Variants in ACTR3C observed in about 807,000 individuals in gnomAD.
ACTR3C encodes the protein actin related protein 3C.
ACTR3C carries 18 observed loss-of-function variants against 26.3 expected under a neutral mutation model. The observed-to-expected ratio is 0.68, with a 90% CI of 0.47 to 1.01. The LOEUF is 1.01. Ranked by LOEUF, ACTR3C falls within the 50% of genes least tolerant of loss-of-function variation. The pLI, the probability that ACTR3C is intolerant of heterozygous loss-of-function variation, is 0.00. For synonymous variants in ACTR3C, 55 were observed against 94.5 expected (o/e 0.58, Z 2.42); for missense variants, 184 against 250.7 (o/e 0.73, Z 1.80).
chr7:150,089,970 C>T, the ACTR3C span, among the ~76,000 whole-genome samples: 13 of 152,148 alleles, frequency 8.5e-5, no homozygotes. Flanking sequence ...CTTCATTCAT[C>T]ACTAATAAAA....
At chr7:150,035,512 TC>T in the ACTR3C span, among the ~76,000 whole-genome samples, 1 of 113,842 alleles carries the variant, frequency 8.8e-6, no homozygotes, top group Admixed American at 8.1e-5. Context: ...TAGCTCTCAG[TC>T]CCCACTCTCG....
the ACTR3C span, among the ~76,000 whole-genome samples, chr7:150,231,577 C>T: frequency 6.7e-6 from 1 of 150,196 alleles, no homozygotes; most frequent in Non-Finnish European, 1.5e-5. Flanking sequence ...GAACTGTGAG[C>T]CAAATAAACC....
the ACTR3C span, among the ~76,000 whole-genome samples, chr7:150,150,106 G>T: frequency 0.057 from 7,099 of 124,850 alleles, no homozygotes; most frequent in East Asian, 0.11. Context: ...GAGGCAGGAA[G>T]AAGAAACAGA....
At chr7:150,245,644 G>A (rs1217736272), downstream of ACTR3C, 1 of 152,096 alleles carries the variant, frequency 6.6e-6, no homozygotes, top group East Asian at 1.9e-4. Flanking sequence ...ATTGGTGAGT[G>A]TGAGCAATTG....
rs572130796 is a variant in ACTR3C, at chr7:150,284,144, G to A, written c.564+609C>T. On this transcript the variant is annotated intron_variant, in intron 6 of 7. Coordinates refer to ENST00000683684, the MANE Select transcript of ACTR3C (RefSeq NM_001164458.2). ...ACCAATGGAATTCACGGAAAGCATGGAGGAGGGCATCACTCTTACTTTCCA... is the reference window on the plus strand; with the variant it reads ...ACCAATGGAATTCACGGAAAGCATGAAGGAGGGCATCACTCTTACTTTCCA... Among the ~76,000 whole-genome samples, 17 of 152,318 alleles carry A rather than the reference G, an allele frequency of 1.1e-4. No homozygotes were observed. In the East Asian group the frequency reaches 3.3e-3, roughly 29 times the overall value.
the ACTR3C span, among the ~76,000 whole-genome samples, chr7:149,961,866 A>T: frequency 2.0e-5 from 3 of 149,286 alleles, no homozygotes; most frequent in Non-Finnish European, 4.4e-5. Context: ...CAGAGGAAGT[A>T]TGGGCTCACA....
At chr7:150,184,191 G>T in the ACTR3C span, among the ~76,000 whole-genome samples, 17 of 150,780 alleles carry the variant, frequency 1.1e-4, no homozygotes, top group Admixed American at 1.0e-3. Context: ...CTTTGTAAAG[G>T]TCTCGTCAGT....
chr7:149,922,989 T>TTTTTTTA, the ACTR3C span, among the ~76,000 whole-genome samples: 1 of 138,890 alleles, frequency 7.2e-6, no homozygotes, highest in Non-Finnish European at 1.5e-5. Flanking sequence ...TTTTTTTTTT[T>TTTTTTTA]TTTTTTACAA....
chr7:149,993,208 C>T, the ACTR3C span, among the ~76,000 whole-genome samples: 5 of 146,426 alleles, frequency 3.4e-5, no homozygotes, highest in Admixed American at 1.4e-4. Context: ...GCACCTTCAC[C>T]GACACACCCA....
chr7:150,309,339 A>G (rs1324046727), intron 1 of ACTR3C, among the ~76,000 whole-genome samples: 1 of 152,236 alleles, frequency 6.6e-6, no homozygotes, highest in Non-Finnish European at 1.5e-5. Context: ...CCAGAAGGCC[A>G]TCTTATTCTC....
the ACTR3C span, among the ~76,000 whole-genome samples, chr7:149,990,758 T>C: frequency 1.3e-5 from 2 of 152,000 alleles, no homozygotes; most frequent in Non-Finnish European, 2.9e-5. Context: ...CAAGGGCGCA[T>C]AGGCAGAGTC....
the ACTR3C span, among the ~76,000 whole-genome samples, chr7:150,114,019 C>T: frequency 6.6e-6 from 1 of 152,174 alleles, no homozygotes; most frequent in African/African-American, 2.4e-5. Context: ...GTTTACAAAT[C>T]ACTTGCCTGG....
the ACTR3C span, among the ~76,000 whole-genome samples, chr7:149,979,401 C>T: frequency 5.4e-4 from 82 of 152,270 alleles, 1 homozygote; most frequent in East Asian, 0.015. Context: ...TAGTCCAAAA[C>T]GTGTATTCCC....
chr7:150,046,352 C>CA, the ACTR3C span, among the ~76,000 whole-genome samples: 3 of 65,946 alleles, frequency 4.5e-5, no homozygotes, highest in African/African-American at 8.6e-5. Flanking sequence ...TCACCGCCCC[C>CA]CCCCCCCCGA....
the ACTR3C span, among the ~76,000 whole-genome samples, chr7:150,037,140 C>G: frequency 1.4e-5 from 1 of 73,498 alleles, no homozygotes; most frequent in Admixed American, 1.2e-4. Flanking sequence ...CAGTCCCTGC[C>G]TCGTGGGGGG....
chr7:150,027,086 T>C, the ACTR3C span, among the ~76,000 whole-genome samples: 1 of 151,966 alleles, frequency 6.6e-6, no homozygotes, highest in African/African-American at 2.4e-5. Flanking sequence ...TTTCTGCCAC[T>C]CACACCCTGC....
At chr7:150,222,649 G>A in the ACTR3C span, among the ~76,000 whole-genome samples, 1 of 152,214 alleles carries the variant, frequency 6.6e-6, no homozygotes, top group Non-Finnish European at 1.5e-5. Flanking sequence ...GGAGCAGGCT[G>A]AGCAGTGGCC....
At chr7:150,134,462 T>G in the ACTR3C span, among the ~76,000 whole-genome samples, 1 of 152,246 alleles carries the variant, frequency 6.6e-6, no homozygotes, top group Non-Finnish European at 1.5e-5. Context: ...AAAAAGTTAC[T>G]GAGTCACAAA....
At chr7:150,101,036 C>G in the ACTR3C span, among the ~76,000 whole-genome samples, 1 of 151,518 alleles carries the variant, frequency 6.6e-6, no homozygotes, top group Non-Finnish European at 1.5e-5. Context: ...ATTTCTCCAG[C>G]CAAACTGAAG....
Sources: allele counts gnomAD v4.1 joint callset (sites outside exome capture counted in the v4.1 genomes callset), GRCh38; gene constraint gnomAD v4.1.1; transcripts MANE v1.5; gene names NCBI Gene and HGNC (gene_info 2026-07-23, HGNC 2026-07-21).